The following IL10RB variants were observed in gnomAD, a reference collection of about 807,000 sequenced individuals.
The protein encoded by IL10RB is interleukin 10 receptor subunit beta.
In IL10RB, 30 loss-of-function variants were observed where a neutral mutation model predicts 38.7. That is an observed-to-expected ratio of 0.78 (90% CI 0.58 to 1.05). IL10RB has a LOEUF of 1.05. IL10RB is among the 50% of genes least tolerant of loss of function. The probability of loss-of-function intolerance (pLI) is 0.00; values close to 1 mark genes in which losing one functional copy is unlikely to be tolerated. For synonymous variants in IL10RB, 142 were observed against 145.9 expected (o/e 0.97, Z 0.19); for missense variants, 328 against 397.1 (o/e 0.83, Z 1.48).
intron 2 of IL10RB, among the ~76,000 whole-genome samples, chr21:33,275,323 T>C (rs1989151988): frequency 6.6e-6 from 1 of 151,994 alleles, no homozygotes; most frequent in Non-Finnish European, 1.5e-5. Context: ...GCCCGGCTAA[T>C]TTTTTTGTAT....
At chr21:33,288,396 CACACACACAG>C (rs1989420651) in intron 6 of IL10RB, 135 bp downstream of exon 6, 10 of 708,312 alleles carry the variant, frequency 1.4e-5, no homozygotes, top group Non-Finnish European at 1.8e-5. Context: ...CACACACACA[CACACACACAG>C]ACACGCCTCT....
chr21:33,288,918 A>C (rs960428467), intron 6 of IL10RB, among the ~76,000 whole-genome samples: 5 of 152,344 alleles, frequency 3.3e-5, no homozygotes, highest in Admixed American at 1.3e-4. Context: ...CCCAGGAAGC[A>C]GACTCTAAGA....
intron 2 of IL10RB, among the ~76,000 whole-genome samples, chr21:33,269,034 G>A (rs983608931): frequency 4.6e-5 from 7 of 152,098 alleles, no homozygotes; most frequent in Admixed American, 2.6e-4. Flanking sequence ...AGTGCCATGC[G>A]CGATGCACAT....
At chr21:33,288,876 C>T (rs1372348823) in intron 6 of IL10RB, among the ~76,000 whole-genome samples, 5 of 152,164 alleles carry the variant, frequency 3.3e-5, no homozygotes, top group African/African-American at 9.7e-5. Flanking sequence ...ATTCCAAGCC[C>T]GGACCCAAAG....
chr21:33,304,250 C>T (rs1406023456), intron 1 of IL10RB, among the ~76,000 whole-genome samples: 1 of 152,206 alleles, frequency 6.6e-6, no homozygotes, highest in Non-Finnish European at 1.5e-5. Context: ...GGCATTGTTG[C>T]TCTGTTTCTA....
chr21:33,288,190 C>T lies in IL10RB; in HGVS notation c.733C>T (p.Leu245=). The change falls in exon 6 of 7, where the codon CTG becomes TTG. Residue 245 remains leucine (L), a synonymous_variant. Transcript: ENST00000290200. ...GGCACTCCTCGGCTGCTTCGCCTTG[C>T]TGTGGTGCGTTTACAAGAAGACAAA... is the stretch of plus-strand genomic sequence containing the variant. The part of the protein sequence containing the change: ...CLALLGCFAL[L]WCVYKKTKYA... 2 of 1,614,002 alleles carry T rather than the reference C, an allele frequency of 1.2e-6. No individual in the cohort carries two copies. The highest frequency in any genetic ancestry group is 1.7e-6 in the Non-Finnish European group (2 of 1,179,890).
At chr21:33,292,916 G>A (rs872709) in intron 6 of IL10RB, among the ~76,000 whole-genome samples, 1,549 of 152,270 alleles carry the variant, frequency 0.01, 30 homozygotes, top group African/African-American at 0.036. Context: ...TCCTGCCTGG[G>A]GCCCCTCCGT....
chr21:33,276,511 C>T (rs753939533), intron 2 of IL10RB, 85 bp from the exon 3 acceptor site: 27 of 1,065,620 alleles, frequency 2.5e-5, no homozygotes, highest in African/African-American at 7.8e-5. Context: ...CCCGCGCCGC[C>T]CCCCCCTCCA....
At chr21:33,306,816 C>A (rs774198817) in intron 1 of IL10RB, among the ~76,000 whole-genome samples, 32 of 152,184 alleles carry the variant, frequency 2.1e-4, no homozygotes, top group Non-Finnish European at 3.5e-4. Context: ...GGAGTCACCA[C>A]ACCCAGCCCA....
At chr21:33,282,845 A>G (rs1989304263) in intron 4 of IL10RB, among the ~76,000 whole-genome samples, 2 of 152,152 alleles carry the variant, frequency 1.3e-5, no homozygotes, top group East Asian at 3.9e-4. Flanking sequence ...CTTTTTTAAA[A>G]AAGAAGTGAT....
At chr21:33,304,109 T>C (rs1441174996) in intron 1 of IL10RB, among the ~76,000 whole-genome samples, 4 of 152,202 alleles carry the variant, frequency 2.6e-5, no homozygotes, top group African/African-American at 7.2e-5. Flanking sequence ...GACCAGCCAG[T>C]AGCAGGGTCT....
chr21:33,304,075 A>G (rs2082992570), intron 1 of IL10RB, among the ~76,000 whole-genome samples: 1 of 152,166 alleles, frequency 6.6e-6, no homozygotes, highest in Admixed American at 6.5e-5. Context: ...AGTGACAGAA[A>G]AGCTGCAAGG....
intron 5 of IL10RB, among the ~76,000 whole-genome samples, chr21:33,283,641 G>A (rs965376885): frequency 1.3e-5 from 2 of 152,134 alleles, no homozygotes; most frequent in African/African-American, 2.4e-5. Context: ...AGCCACTGCC[G>A]ACATGTGATG....
intron 2 of IL10RB, among the ~76,000 whole-genome samples, chr21:33,271,743 C>G (rs918244458): frequency 6.6e-6 from 1 of 151,552 alleles, no homozygotes; most frequent in Non-Finnish European, 1.5e-5. Context: ...AAAAAAAAAC[C>G]TAGTGAAAAA....
chr21:33,279,904 G>A lies in IL10RB; in HGVS notation c.484G>A (p.Gly162Ser), dbSNP rs770980693. 2.7e-5 allele frequency: 43 copies of A among 1,613,596 alleles called. No individual in the cohort carries two copies. Among genetic ancestry groups the A allele is most frequent in the East Asian group, 2.2e-4 (10 of 44,858 alleles). ...WTYNVQYWKN[G>S]TDEKFQITPQ... ...TTATAATGTGCAATACTGGAAAAAC[G>A]GTACTGATGAAAAGGTAAGGTTGGC... is the stretch of plus-strand genomic sequence containing the variant. Residue 162 changes from glycine (G) to serine (S), a missense_variant, in exon 4 of 7, where the codon GGT (glycine) becomes AGT (serine). Gly to Ser is a moderately conservative substitution (Grantham distance 56, BLOSUM62 0). Coordinates refer to ENST00000290200, the MANE Select transcript of IL10RB (RefSeq NM_000628.5).
chr21:33,308,840 CTATGT>C (rs1201511767), intron 1 of IL10RB: 2 of 152,330 alleles, frequency 1.3e-5, no homozygotes, highest in African/African-American at 4.8e-5. Flanking sequence ...GTATTTTCAT[CTATGT>C]TATAACAGGT....
intron 2 of IL10RB, among the ~76,000 whole-genome samples, chr21:33,270,060 G>A (rs1032686336): frequency 1.3e-5 from 2 of 152,150 alleles, no homozygotes; most frequent in African/African-American, 4.8e-5. Flanking sequence ...CAAGAACAAG[G>A]ATAATCTCTT....
chr21:33,291,166 C>A (rs905140072), intron 6 of IL10RB, among the ~76,000 whole-genome samples: 2 of 152,152 alleles, frequency 1.3e-5, no homozygotes, highest in African/African-American at 4.8e-5. Context: ...GAGGGCTCAC[C>A]CTGCTCCACT....
chr21:33,274,571 G>A (rs1324447450), intron 2 of IL10RB, among the ~76,000 whole-genome samples: 1 of 152,172 alleles, frequency 6.6e-6, no homozygotes, highest in Non-Finnish European at 1.5e-5. Context: ...CATGAAAACA[G>A]CATTAATTTC....
Sources: allele counts gnomAD v4.1 joint callset (sites outside exome capture counted in the v4.1 genomes callset), GRCh38; gene constraint gnomAD v4.1.1; transcripts MANE v1.5; gene names NCBI Gene and HGNC (gene_info 2026-07-23, HGNC 2026-07-21).